Variants in CASP2 observed in about 807,000 individuals in gnomAD.
The protein encoded by CASP2 is caspase 2.
CASP2 carries 38 observed loss-of-function variants against 54.4 expected under a neutral mutation model. The observed-to-expected ratio is 0.70, with a 90% CI of 0.54 to 0.92. The LOEUF (loss-of-function observed/expected upper bound fraction) is 0.92. Ranked by LOEUF, CASP2 falls within the 40% of genes least tolerant of loss-of-function variation. The pLI, the probability that CASP2 is intolerant of heterozygous loss-of-function variation, is 0.00. For missense variants in CASP2, 512 were observed against 579.6 expected, an observed-to-expected ratio of 0.88 and a Z score of 1.20; for synonymous variants, 215 against 216.3, an observed-to-expected ratio of 0.99 and a Z score of 0.05.
intron 8 of CASP2, chr7:143,301,565 A>G (rs1461047965): frequency 1.3e-5 from 2 of 152,198 alleles, no homozygotes; most frequent in Admixed American, 1.3e-4. Flanking sequence ...AGAGTAGATC[A>G]TTTTAAGTGA....
At chr7:143,289,562 T>C (rs1182063088) in intron 1 of CASP2, 39 of 924,478 alleles carry the variant, frequency 4.2e-5, no homozygotes, top group Non-Finnish European at 5.0e-5. Flanking sequence ...GAGAGAAGAC[T>C]CCCAAAGAAT....
At chr7:143,293,484 C>T (rs925542982) in intron 4 of CASP2, among the ~76,000 whole-genome samples, 1 of 151,226 alleles carries the variant, frequency 6.6e-6, no homozygotes. Flanking sequence ...GCTAGTAGGA[C>T]AGTTTATGCA....
rs148426301 is a variant in CASP2, at chr7:143,288,998, G to A, written c.74+469G>A. Among the ~76,000 whole-genome samples, 360 of 152,330 alleles carry A rather than the reference G, an allele frequency of 2.4e-3. 1 individual carries two copies. The highest frequency in any genetic ancestry group is 0.01 in the Middle Eastern group (3 of 294). On this transcript the variant is annotated intron_variant, in intron 1 of 10. Coordinates refer to ENST00000310447, the MANE Select transcript of CASP2 (RefSeq NM_032982.4). ...TGATCTGCATGGCTTTGCATAGAAT[G>A]ACCAGATTTTCAAAGAAGTCAATAC...
At chr7:143,297,329 C>A (rs999930044) in intron 6 of CASP2, among the ~76,000 whole-genome samples, 2 of 152,164 alleles carry the variant, frequency 1.3e-5, no homozygotes, top group Non-Finnish European at 2.9e-5. Flanking sequence ...TTTAGTCTTA[C>A]TAAGTTTGGT....
At chr7:143,293,093 C>G (rs1475512551) in intron 4 of CASP2, 1 of 638,530 alleles carries the variant, frequency 1.6e-6, no homozygotes, top group Admixed American at 2.8e-5. Flanking sequence ...TGGCTTTGTC[C>G]TAACATGAGC....
chr7:143,303,518 A>C (rs185505596), intron 8 of CASP2: 68 of 395,436 alleles, frequency 1.7e-4, no homozygotes, highest in African/African-American at 1.0e-3. Context: ...TCTTACACAG[A>C]ATGGGAACTG....
chr7:143,305,435 T>G lies in CASP2; in HGVS notation c.*364T>G, dbSNP rs186746216. The G allele has an allele frequency of 3.3e-4, 119 of 364,224 alleles. No individual in the cohort carries two copies. Among genetic ancestry groups the G allele is most frequent in the African/African-American group, 2.1e-3 (103 of 48,016 alleles). The allele number at this position is 364,224 out of a possible 1,614,324, so 22.6% of individuals were successfully genotyped here. ...CTTTTGTAGATGGCACTTTAGTGAT[T>G]GCTTTTATTACATTAGTTAAGATGT... On this transcript the variant is annotated 3_prime_UTR_variant, in exon 11 of 11. Coordinates refer to ENST00000310447, the MANE Select transcript of CASP2 (RefSeq NM_032982.4).
At chr7:143,303,621 A>ATTTT in intron 8 of CASP2, 163 bp from the exon 9 acceptor site, 2 of 533,918 alleles carry the variant, frequency 3.7e-6, no homozygotes, top group African/African-American at 2.0e-5. Context: ...GAGAGTAATA[A>ATTTT]TTTTTTTTTT....
At chr7:143,304,067 T>C (rs1801997487) in intron 9 of CASP2, 134 bp downstream of exon 9, 2 of 907,286 alleles carry the variant, frequency 2.2e-6, no homozygotes, top group Non-Finnish European at 3.5e-6. Flanking sequence ...TTGGATTTTT[T>C]TGTTTTTTTG....
Position 143,305,959 on chromosome 7 carries a change from T to C in CASP2, c.*888T>C, listed in dbSNP as rs1414724258. On this transcript the variant is annotated 3_prime_UTR_variant, in exon 11 of 11. Transcript: ENST00000310447. ...AATCAACCTGCACTTCATATCTAGA[T>C]TTCTAGAAAAGCTTCCTAGCTTATC... The C allele has an allele frequency of 6.6e-6, 1 of 152,196 alleles. No individual in the cohort carries two copies. Among genetic ancestry groups the C allele is most frequent in the Non-Finnish European group, 1.5e-5 (1 of 68,056 alleles). 9.4% of individuals were successfully genotyped at this position (152,196 alleles called of 1,614,324 possible).
At position 143,297,639 on chromosome 7, in the gene CASP2, G is replaced by A. The variant is rs4647316; in HGVS notation, c.748-2284G>A. On this transcript the variant is annotated intron_variant, in intron 6 of 10. Transcript: ENST00000310447. ...TTTTTGTATTTTTAGTAGAGACAGG[G>A]TTTCATCACATTGGTCAGGCTGGTC... Among the ~76,000 whole-genome samples the A allele has an allele frequency of 6.0e-3, 911 of 151,988 alleles. 13 individuals are homozygous for A. Among genetic ancestry groups the A allele is most frequent in the African/African-American group, 0.021 (858 of 41,430 alleles).
chr7:143,294,185 G>A (rs1267289497), intron 4 of CASP2, 45 bp from the exon 5 acceptor site: 5 of 1,001,594 alleles, frequency 5.0e-6, no homozygotes, highest in African/African-American at 3.2e-5. Flanking sequence ...TAAGATTGAT[G>A]GTTAAGTTAT....
At chr7:143,291,297 G>A (rs1245148289) in intron 1 of CASP2, among the ~76,000 whole-genome samples, 2 of 152,160 alleles carry the variant, frequency 1.3e-5, no homozygotes, top group Non-Finnish European at 2.9e-5. Flanking sequence ...CCCTCCTCTA[G>A]TCAGACCATT....
intron 6 of CASP2, among the ~76,000 whole-genome samples, chr7:143,295,462 C>G (rs1449756876): frequency 6.6e-6 from 1 of 152,224 alleles, no homozygotes; most frequent in Non-Finnish European, 1.5e-5. Flanking sequence ...GCACAACTGA[C>G]TTTGTGACCT....
At position 143,300,284 on chromosome 7, in the gene CASP2, C is replaced by G. The variant is rs1418728817; in HGVS notation, c.957C>G (p.Ala319=). Residue 319 remains alanine (A), a synonymous_variant, in exon 8 of 11, where the codon GCC becomes GCG. Transcript: ENST00000310447. ...AACCAAAAATGTTCTTCATCCAGGC[C>G]TGCCGTGGAGGTGAGTGCCCTAGCA... is the stretch of plus-strand genomic sequence containing the variant. The part of the protein sequence containing the change: ...QNKPKMFFIQ[A]CRGDETDRGV... 1.2e-6 allele frequency: 2 copies of G among 1,613,984 alleles called. No homozygotes were observed. Among genetic ancestry groups the G allele is most frequent in the Non-Finnish European group, 1.7e-6 (2 of 1,180,034 alleles).
At chr7:143,297,823 A>G (rs1801801436) in intron 6 of CASP2, among the ~76,000 whole-genome samples, 1 of 152,254 alleles carries the variant, frequency 6.6e-6, no homozygotes. Flanking sequence ...CTCCAGAGGA[A>G]CATTCACAGT....
At chr7:143,291,070 C>T (rs536371141) in intron 1 of CASP2, among the ~76,000 whole-genome samples, 2 of 152,278 alleles carry the variant, frequency 1.3e-5, no homozygotes, top group East Asian at 3.9e-4. Context: ...TAGTGTCTGC[C>T]TCATTTATTT....
At position 143,288,366 on chromosome 7, in the gene CASP2, G is replaced by T; in HGVS notation, c.-90G>T. The T allele has an allele frequency of 1.5e-6, 2 of 1,338,744 alleles. No individual in the cohort carries two copies. The highest frequency in any genetic ancestry group is 2.1e-6 in the Non-Finnish European group (2 of 948,294). 82.9% of individuals were successfully genotyped at this position (1,338,744 alleles called of 1,614,324 possible). On this transcript the variant is annotated 5_prime_UTR_variant, in exon 1 of 11. Coordinates refer to ENST00000310447, the MANE Select transcript of CASP2 (RefSeq NM_032982.4). ...AGGCGCAGGCGCAGTGTGCGTCCGC[G>T]TCTGAGGGGAGGGATGTGGGGGAAG...
Position 143,294,265 on chromosome 7 carries a change from C to A in CASP2, c.511C>A (p.Pro171Thr). Residue 171 changes from proline to threonine, a missense_variant, in exon 5 of 11, where the codon CCT (proline) becomes ACT (threonine). Around this residue, in one of 3 missense-constraint regions of CASP2, gnomAD observed 417 missense variants for 495.4 expected, o/e 0.84. Coordinates refer to ENST00000310447, the MANE Select transcript of CASP2 (RefSeq NM_032982.4). Reference sequence around the variant, plus strand: ...ACACTCCCTAGACAATAAAGATGGTCCTGTCTGCCTTCAGGTGAAGCCTTG... The same window carrying A: ...ACACTCCCTAGACAATAAAGATGGTACTGTCTGCCTTCAGGTGAAGCCTTG... ...VEHSLDNKDG[P>T]VCLQVKPCTP... 1 of 1,612,128 alleles carries A rather than the reference C, an allele frequency of 6.2e-7. No individual in the cohort carries two copies. The highest frequency in any genetic ancestry group is 1.1e-5 in the South Asian group (1 of 91,046).
Sources: allele counts gnomAD v4.1 joint callset (sites outside exome capture counted in the v4.1 genomes callset), GRCh38; gene constraint gnomAD v4.1.1; regional missense constraint gnomAD v4.1.1; transcripts MANE v1.5; gene names NCBI Gene and HGNC (gene_info 2026-07-23, HGNC 2026-07-21).